The following ZNF385B variants were observed in gnomAD, a reference collection of about 807,000 sequenced individuals.
ZNF385B encodes the protein zinc finger protein 385B.
ZNF385B carries 23 observed loss-of-function variants against 39.2 expected under a neutral mutation model. That is an observed-to-expected ratio of 0.59 (90% CI 0.42 to 0.83). The LOEUF is 0.83. ZNF385B is among the 40% of genes least tolerant of loss of function. ZNF385B has a pLI of 0.00. For missense variants in ZNF385B, 552 were observed against 598.9 expected (o/e 0.92, Z 0.82); for synonymous variants, 205 against 222.6 (o/e 0.92, Z 0.70).
At chr2:179,838,725 CATG>C (rs1440497170) in intron 1 of ZNF385B, among the ~76,000 whole-genome samples, 1 of 152,114 alleles carries the variant, frequency 6.6e-6, no homozygotes, top group African/African-American at 2.4e-5. Context: ...CTGGAAGCTT[CATG>C]ATATCTCCAG....
At chr2:179,645,767 G>T (rs954649) in intron 3 of ZNF385B, among the ~76,000 whole-genome samples, 31,347 of 152,088 alleles carry the variant, frequency 0.21, 3,498 homozygotes, top group South Asian at 0.28. Flanking sequence ...AGTCCTATAG[G>T]GCAGGGCTCA....
chr2:179,668,320 GA>G (rs1197951946), intron 3 of ZNF385B, among the ~76,000 whole-genome samples: 1 of 152,172 alleles, frequency 6.6e-6, no homozygotes, highest in Admixed American at 6.5e-5. Flanking sequence ...CAAAGGTGCT[GA>G]AAAACAGGCA....
intron 3 of ZNF385B, among the ~76,000 whole-genome samples, chr2:179,673,263 C>G (rs1027367901): frequency 3.3e-5 from 5 of 152,158 alleles, no homozygotes; most frequent in Admixed American, 6.5e-5. Flanking sequence ...AGTGCATCCT[C>G]AACCCATGGC....
chr2:179,578,064 G>A (rs1022695256), intron 3 of ZNF385B, among the ~76,000 whole-genome samples: 4 of 152,034 alleles, frequency 2.6e-5, no homozygotes, highest in Non-Finnish European at 5.9e-5. Context: ...TACTCTGAAC[G>A]TGGGATGTAT....
At chr2:179,760,489 G>C (rs555135648) in intron 3 of ZNF385B, among the ~76,000 whole-genome samples, 23 of 152,244 alleles carry the variant, frequency 1.5e-4, no homozygotes, top group African/African-American at 5.1e-4. Context: ...ATCCATCCAA[G>C]TTGTTGCATG....
At chr2:179,576,879 T>C (rs757922095) in intron 3 of ZNF385B, among the ~76,000 whole-genome samples, 22 of 152,126 alleles carry the variant, frequency 1.4e-4, no homozygotes, top group Non-Finnish European at 2.8e-4. Context: ...CAATTGATCA[T>C]CTTGTTCCAG....
chr2:179,652,410 C>G (rs1236152977), intron 3 of ZNF385B, among the ~76,000 whole-genome samples: 1 of 152,160 alleles, frequency 6.6e-6, no homozygotes, highest in Non-Finnish European at 1.5e-5. Flanking sequence ...AGGAGTTGAA[C>G]AGTTTGTGCC....
chr2:179,543,758 T>C (rs190470858), intron 4 of ZNF385B, among the ~76,000 whole-genome samples: 1 of 152,276 alleles, frequency 6.6e-6, no homozygotes, highest in East Asian at 1.9e-4. Flanking sequence ...GCCAGTGCTC[T>C]GTAAAAAGCT....
intron 3 of ZNF385B, among the ~76,000 whole-genome samples, chr2:179,580,343 T>C (rs997347635): frequency 2.6e-5 from 4 of 152,144 alleles, no homozygotes; most frequent in East Asian, 1.9e-4. Context: ...TCTTCCACCA[T>C]AGAAAACTTT....
chr2:179,843,476 T>C (rs1305366191), intron 1 of ZNF385B, among the ~76,000 whole-genome samples: 1 of 152,244 alleles, frequency 6.6e-6, no homozygotes, highest in Non-Finnish European at 1.5e-5. Context: ...GAAGCATTAC[T>C]ACACAAGATA....
intron 1 of ZNF385B, among the ~76,000 whole-genome samples, chr2:179,817,789 C>T (rs999312776): frequency 6.6e-6 from 1 of 151,568 alleles, no homozygotes; most frequent in Non-Finnish European, 1.5e-5. Context: ...GCATGTGTGT[C>T]TGTGTGTGTG....
chr2:179,443,251 T>C lies in ZNF385B; in HGVS notation c.1460A>G (p.Ter487=), dbSNP rs776996481. 2 of 1,612,274 alleles carry C rather than the reference T, an allele frequency of 1.2e-6. No individual in the cohort carries two copies. Among genetic ancestry groups the C allele is most frequent in the Non-Finnish European group, 8.5e-7 (1 of 1,180,022 alleles). The part of the protein sequence containing the change: ...TPASILFAPY[*] ...CAAACGTCTTGGGGTTTGCAGACGTTAGTACGGAGCAAAGAGGATGGAGGC... is the reference window on the plus strand; with the variant it reads ...CAAACGTCTTGGGGTTTGCAGACGTCAGTACGGAGCAAAGAGGATGGAGGC... Residue 487 remains the stop codon, a stop_retained_variant, in exon 10 of 10, where the codon TAA becomes TGA. Coordinates refer to ENST00000410066, the MANE Select transcript of ZNF385B (RefSeq NM_152520.6).
intron 3 of ZNF385B, among the ~76,000 whole-genome samples, chr2:179,702,744 A>G (rs972323993): frequency 3.9e-5 from 6 of 152,260 alleles, no homozygotes; most frequent in African/African-American, 1.4e-4. Context: ...AAATATAGTT[A>G]AGATTGGTTA....
chr2:179,808,225 G>A (rs1380006278), intron 1 of ZNF385B, among the ~76,000 whole-genome samples: 1 of 152,030 alleles, frequency 6.6e-6, no homozygotes, highest in Non-Finnish European at 1.5e-5. Flanking sequence ...GTAGAGACGG[G>A]GTTTCACCGT....
chr2:179,655,862 G>A (rs561794781), intron 3 of ZNF385B, among the ~76,000 whole-genome samples: 2 of 152,110 alleles, frequency 1.3e-5, no homozygotes, highest in Non-Finnish European at 2.9e-5. Flanking sequence ...CTGAGTCATG[G>A]TTCTAGGGGA....
At chr2:179,634,045 AC>A (rs1691492799) in intron 3 of ZNF385B, among the ~76,000 whole-genome samples, 1 of 152,236 alleles carries the variant, frequency 6.6e-6, no homozygotes, top group African/African-American at 2.4e-5. Flanking sequence ...TACACCTTAT[AC>A]AAAAATTAAT....
chr2:179,559,540 A>G (rs558580966), intron 3 of ZNF385B, among the ~76,000 whole-genome samples: 1 of 152,274 alleles, frequency 6.6e-6, no homozygotes, highest in East Asian at 1.9e-4. Context: ...TTACTCTTGT[A>G]CTATTATACT....
At chr2:179,604,566 A>G (rs1688652722) in intron 3 of ZNF385B, among the ~76,000 whole-genome samples, 2 of 152,026 alleles carry the variant, frequency 1.3e-5, no homozygotes, top group Admixed American at 6.6e-5. Flanking sequence ...AATCCTGTTC[A>G]TCACACAAAT....
At chr2:179,785,115 T>A (rs78458943) in intron 1 of ZNF385B, among the ~76,000 whole-genome samples, 1,882 of 152,232 alleles carry the variant, frequency 0.012, 45 homozygotes, top group African/African-American at 0.042. Context: ...TCCAGAAGTT[T>A]ACAAATTATA....
Sources: gnomAD v4.1 joint callset for allele counts (sites outside exome capture counted in the v4.1 genomes callset) on GRCh38, gnomAD v4.1.1 for gene constraint, MANE v1.5 for transcripts, NCBI Gene and HGNC (gene_info 2026-07-23, HGNC 2026-07-21) for gene names.